The following CNEP1R1 variants were observed in gnomAD, a reference collection of about 807,000 sequenced individuals.
The protein encoded by CNEP1R1 is nuclear envelope phosphatase-regulatory subunit 1.
CNEP1R1 carries 10 observed loss-of-function variants against 22.7 expected under a neutral mutation model. The observed-to-expected ratio is 0.44, with a 90% confidence interval of 0.27 to 0.75. The LOEUF is 0.75. Among genes scored for constraint, CNEP1R1 ranks in the 30% least tolerant of loss-of-function variants. The pLI is 0.17. For missense variants in CNEP1R1, 73 were observed against 151.5 expected, an observed-to-expected ratio of 0.48 and a Z score of 2.72; for synonymous variants, 53 against 50.1, an observed-to-expected ratio of 1.06 and a Z score of -0.25.
At chr16:50,031,900 A>G (rs1320540109) in intron 3 of CNEP1R1, among the ~76,000 whole-genome samples, 1 of 152,180 alleles carries the variant, frequency 6.6e-6, no homozygotes, top group Non-Finnish European at 1.5e-5. Context: ...TGGCCTAATT[A>G]AAATGAAGAC....
chr16:50,032,775 C>T (rs1249322347), intron 3 of CNEP1R1, among the ~76,000 whole-genome samples: 1 of 152,070 alleles, frequency 6.6e-6, no homozygotes, highest in East Asian at 1.9e-4. Context: ...GAGGCCGAGG[C>T]GGGCAGATCA....
At chr16:50,035,171 G>A (rs1314226425) in intron 5 of CNEP1R1, among the ~76,000 whole-genome samples, 1 of 152,086 alleles carries the variant, frequency 6.6e-6, no homozygotes, top group African/African-American at 2.4e-5. Context: ...GGGCAACATA[G>A]CAAGACACCG....
chr16:50,034,382 ATCTT>A (rs1245474686), intron 5 of CNEP1R1: 11 of 512,266 alleles, frequency 2.1e-5, no homozygotes, highest in South Asian at 4.3e-5. Flanking sequence ...TGACAATTTA[ATCTT>A]TCTTAATGAC....
Position 50,029,707 on chromosome 16 carries a change from G to T in CNEP1R1, c.98-18G>T, listed in dbSNP as rs148072123. 2.7e-5 allele frequency: 42 copies of T among 1,541,060 alleles called. No individual in the cohort carries two copies. The highest frequency in any genetic ancestry group is 3.5e-5 in the Non-Finnish European group (39 of 1,118,424). On this transcript the variant is annotated intron_variant, in intron 2 of 5. Coordinates refer to ENST00000427478, the MANE Select transcript of CNEP1R1 (RefSeq NM_001281789.2). ...AAGTATGTATTTGCTTACTAATTTC[G>T]TGTTTATCTTTCATCAGTGCTTCTT...
In CNEP1R1 at chr16:50,025,304, C is replaced by T. The variant is rs990467839; in HGVS notation, c.-12C>T. On this transcript the variant is annotated 5_prime_UTR_variant, in exon 1 of 6. Coordinates refer to ENST00000427478, the MANE Select transcript of CNEP1R1 (RefSeq NM_001281789.2). ...GACAGGGCAGCGGCGGTGACCCGAG[C>T]TGCCGCCCGACATGAACTCGCTGGA... is the stretch of plus-strand genomic sequence containing the variant. 8 of 1,428,884 alleles carry T rather than the reference C, an allele frequency of 5.6e-6. No homozygotes were observed. Among genetic ancestry groups the T allele is most frequent in the Non-Finnish European group, 7.3e-6 (8 of 1,096,078 alleles). 88.5% of individuals were successfully genotyped at this position (1,428,884 alleles called of 1,614,324 possible).
At chr16:50,031,166 T>A (rs2036228129) in intron 3 of CNEP1R1, among the ~76,000 whole-genome samples, 1 of 152,238 alleles carries the variant, frequency 6.6e-6, no homozygotes, top group South Asian at 2.1e-4. Flanking sequence ...TTAAGTAGAC[T>A]ACTTTCAGTA....
intron 3 of CNEP1R1, among the ~76,000 whole-genome samples, chr16:50,031,180 C>T (rs894226823): frequency 6.6e-6 from 1 of 152,164 alleles, no homozygotes; most frequent in Non-Finnish European, 1.5e-5. Flanking sequence ...TTCAGTAGCT[C>T]TATTTGTACC....
At chr16:50,025,488 C>G (rs1267470857) in intron 1 of CNEP1R1, 148 bp downstream of exon 1, 1 of 1,104,754 alleles carries the variant, frequency 9.1e-7, no homozygotes, top group East Asian at 2.6e-5. Context: ...CGTAGGCGGC[C>G]GTACCTGGCC....
At position 50,033,461 on chromosome 16, in the gene CNEP1R1, G is replaced by T; in HGVS notation, c.236G>T (p.Gly79Val). The part of the protein sequence containing the change: ...FFTISCITLI[G>V]LFFAGIHKRV... ...ACCATTAGCTGTATCACTCTAATAGGCTTGTTCTTTGCTGGAATACACAAG... is the reference window on the plus strand; with the variant it reads ...ACCATTAGCTGTATCACTCTAATAGTCTTGTTCTTTGCTGGAATACACAAG... Residue 79 changes from glycine (G) to valine (V), a missense_variant, in exon 4 of 6, where the codon GGC becomes GTC. Gly to Val is a moderately radical substitution (Grantham distance 109). Transcript: ENST00000427478. The T allele has an allele frequency of 6.2e-7, 1 of 1,602,802 alleles. No homozygotes were observed. The highest frequency in any genetic ancestry group is 8.5e-7 in the Non-Finnish European group (1 of 1,170,700).
intron 1 of CNEP1R1, 120 bp downstream of exon 1, chr16:50,025,460 G>C: frequency 8.2e-7 from 1 of 1,226,508 alleles, no homozygotes; most frequent in Non-Finnish European, 1.1e-6. Flanking sequence ...GGAGCTAGGG[G>C]CCCGGAGCTT....
chr16:50,025,466 A>G (rs2036171846), intron 1 of CNEP1R1, 126 bp downstream of exon 1: 2 of 1,193,952 alleles, frequency 1.7e-6, no homozygotes, highest in Non-Finnish European at 2.3e-6. Context: ...AGGGGCCCGG[A>G]GCTTGGGGGC....
intron 2 of CNEP1R1, among the ~76,000 whole-genome samples, chr16:50,028,851 T>C (rs1201333276): frequency 6.6e-6 from 1 of 152,222 alleles, no homozygotes; most frequent in Non-Finnish European, 1.5e-5. Flanking sequence ...ATTTTGATCC[T>C]ATTTAATACC....
At chr16:50,033,177 G>A (rs1453803379) in intron 3 of CNEP1R1, among the ~76,000 whole-genome samples, 1 of 152,156 alleles carries the variant, frequency 6.6e-6, no homozygotes, top group African/African-American at 2.4e-5. Context: ...GAAATGAATG[G>A]AGGGAATACT....
chr16:50,026,676 TA>T, intron 2 of CNEP1R1: 1 of 547,786 alleles, frequency 1.8e-6, no homozygotes, highest in South Asian at 2.3e-5. Context: ...GTTTTTCCAT[TA>T]AAAAACATAT....
At chr16:50,029,028 C>T (rs959558255) in intron 2 of CNEP1R1, among the ~76,000 whole-genome samples, 7 of 152,160 alleles carry the variant, frequency 4.6e-5, no homozygotes, top group African/African-American at 7.2e-5. Context: ...AGACAGGCAA[C>T]GGTCATCATC....
At chr16:50,025,631 A>G (rs371752469) in intron 1 of CNEP1R1, 3 of 1,609,218 alleles carry the variant, frequency 1.9e-6, no homozygotes, top group Non-Finnish European at 2.6e-6. Flanking sequence ...CTGCTAATTC[A>G]TTTCATTTCA....
chr16:50,033,305 A>T (rs1479081199), intron 3 of CNEP1R1, 92 bp from the exon 4 acceptor site: 7 of 515,150 alleles, frequency 1.4e-5, no homozygotes, highest in Non-Finnish European at 2.0e-5. Context: ...TATGATAAAA[A>T]ATATTATATA....
chr16:50,030,407 C>CT (rs2036221422), intron 3 of CNEP1R1, among the ~76,000 whole-genome samples: 1 of 152,036 alleles, frequency 6.6e-6, no homozygotes, highest in Non-Finnish European at 1.5e-5. Context: ...ACACTCCAGC[C>CT]TGTGTGACAG....
At chr16:50,030,624 AC>A in intron 3 of CNEP1R1, among the ~76,000 whole-genome samples, 1 of 152,316 alleles carries the variant, frequency 6.6e-6, no homozygotes, top group South Asian at 2.1e-4. Context: ...TGAGGTCAAA[AC>A]CAGAAAGGAA....
Sources: gnomAD v4.1 joint callset for allele counts (sites outside exome capture counted in the v4.1 genomes callset) on GRCh38, gnomAD v4.1.1 for gene constraint, MANE v1.5 for transcripts, NCBI Gene and HGNC (gene_info 2026-07-23, HGNC 2026-07-21) for gene names.